Variants in GSTCD observed in about 807,000 individuals in gnomAD.
GSTCD encodes glutathione S-transferase C-terminal domain-containing protein.
GSTCD carries 44 observed loss-of-function variants against 68.3 expected under a neutral mutation model. The ratio of observed to expected loss-of-function variants is 0.64; its 90% CI spans 0.51 to 0.83. GSTCD has a LOEUF of 0.83. Among genes scored for constraint, GSTCD ranks in the 40% least tolerant of loss-of-function variants. The probability of loss-of-function intolerance (pLI) is 0.00; values close to 1 mark genes in which losing one functional copy is unlikely to be tolerated. For missense variants in GSTCD, 739 were observed against 735.9 expected, an observed-to-expected ratio of 1.00 and a Z score of -0.05; for synonymous variants, 273 against 255.2, an observed-to-expected ratio of 1.07 and a Z score of -0.67.
intron 5 of GSTCD, among the ~76,000 whole-genome samples, chr4:105,760,273 T>G (rs1045948268): frequency 3.9e-5 from 6 of 152,108 alleles, no homozygotes; most frequent in South Asian, 4.2e-4. Context: ...AATATTAAAC[T>G]GTGGGAGAAT....
intron 10 of GSTCD, among the ~76,000 whole-genome samples, chr4:105,839,699 G>A (rs752878112): frequency 1.1e-4 from 16 of 151,860 alleles, no homozygotes; most frequent in Non-Finnish European, 1.5e-4. Context: ...GAAAGGAAAA[G>A]GAAAGAAAAG....
chr4:105,808,049 C>A (rs1722594005), intron 5 of GSTCD, among the ~76,000 whole-genome samples: 1 of 152,072 alleles, frequency 6.6e-6, no homozygotes, highest in Non-Finnish European at 1.5e-5. Flanking sequence ...AACAAAACTG[C>A]TGTTGTCAAG....
At chr4:105,822,910 A>G in intron 5 of GSTCD, 44 bp from the exon 6 acceptor site, 1 of 1,461,034 alleles carries the variant, frequency 6.8e-7, no homozygotes, top group East Asian at 2.3e-5. Context: ...TTGTTCCCTC[A>G]AAATATATAA....
chr4:105,818,552 T>C (rs1232852807), intron 5 of GSTCD, among the ~76,000 whole-genome samples: 1 of 151,844 alleles, frequency 6.6e-6, no homozygotes, highest in Non-Finnish European at 1.5e-5. Flanking sequence ...CCTTGCTTTC[T>C]TGCCAAGACA....
At chr4:105,755,294 A>G (rs1262888030) in intron 5 of GSTCD, among the ~76,000 whole-genome samples, 1 of 151,024 alleles carries the variant, frequency 6.6e-6, no homozygotes, top group Non-Finnish European at 1.5e-5. Flanking sequence ...ACAGAGTGAG[A>G]CCCTGTCTAG....
chr4:105,723,717 T>TA (rs900325946), intron 3 of GSTCD, among the ~76,000 whole-genome samples: 11 of 151,582 alleles, frequency 7.3e-5, no homozygotes, highest in Non-Finnish European at 1.5e-4. Flanking sequence ...AAATAATATG[T>TA]AAAAAAATAT....
At position 105,787,395 on chromosome 4, in the gene GSTCD, G is replaced by T. The variant is rs186744643; in HGVS notation, c.1241-35559G>T. Among the ~76,000 whole-genome samples the T allele has an allele frequency of 7.9e-5, 12 of 152,086 alleles. No homozygotes were observed. In the East Asian group the frequency reaches 2.3e-3, roughly 29 times the overall value. ...CCCTGTTATGCTAAAGCTTACTGAG[G>T]ATGCCTGTTAAAATACATATTTTAA... On this transcript the variant is annotated intron_variant, in intron 5 of 11. Transcript: ENST00000515279.
chr4:105,720,605 A>G (rs1578408141), intron 3 of GSTCD, among the ~76,000 whole-genome samples: 2 of 152,354 alleles, frequency 1.3e-5, no homozygotes, highest in East Asian at 3.9e-4. Context: ...AGATCCAGGA[A>G]TTGTTTAGAT....
At chr4:105,769,233 G>GATCACACACACACACACACA (rs139425249) in intron 5 of GSTCD, among the ~76,000 whole-genome samples, 1 of 146,230 alleles carries the variant, frequency 6.8e-6, no homozygotes, top group Admixed American at 6.9e-5. Flanking sequence ...ATACACGCGC[G>GATCACACACACACACACACA]CACACACACA....
chr4:105,736,138 T>G (rs1396754820), intron 5 of GSTCD, among the ~76,000 whole-genome samples: 2 of 152,142 alleles, frequency 1.3e-5, no homozygotes, highest in African/African-American at 2.4e-5. Context: ...TATTTTATAT[T>G]TTGTGTTTCT....
In GSTCD at chr4:105,834,529, C is replaced by T. The variant is rs1724032663; in HGVS notation, c.1599C>T (p.Ser533=). Residue 533 remains serine (S), a synonymous_variant, in exon 9 of 12, where the codon TCC becomes TCT. Coordinates refer to ENST00000515279, the MANE Select transcript of GSTCD (RefSeq NM_001370181.1). The part of the protein sequence containing the change: ...VIEHCIKTRA[S]FVTCPCCYGF... ...AGCACTGTATCAAAACACGGGCTTCCTTCGTCACATGCCCTTGCTGTTATG... is the reference window on the plus strand; with the variant it reads ...AGCACTGTATCAAAACACGGGCTTCTTTCGTCACATGCCCTTGCTGTTATG... The T allele has an allele frequency of 1.9e-6, 3 of 1,613,924 alleles. No individual in the cohort carries two copies. The highest frequency in any genetic ancestry group is 2.7e-5 in the African/African-American group (2 of 74,908).
chr4:105,749,696 A>G (rs1733941485), intron 5 of GSTCD, among the ~76,000 whole-genome samples: 1 of 152,068 alleles, frequency 6.6e-6, no homozygotes, highest in Non-Finnish European at 1.5e-5. Flanking sequence ...ATAAAATTTT[A>G]AACTATAAAA....
intron 5 of GSTCD, among the ~76,000 whole-genome samples, chr4:105,775,174 A>G (rs1314455510): frequency 1.3e-5 from 2 of 151,976 alleles, no homozygotes; most frequent in Non-Finnish European, 2.9e-5. Context: ...TGCGTCACAA[A>G]GTTCTTGTGC....
Position 105,844,570 on chromosome 4 carries a change from C to A in GSTCD, c.1766-871C>A, listed in dbSNP as rs569036588. On this transcript the variant is annotated intron_variant, in intron 11 of 11. Transcript: ENST00000515279. ...AGTTGTTTTAGTTTATCAGTTTCCACTGTCATTCAATGTTTAGCCATTATT... is the reference window on the plus strand; with the variant it reads ...AGTTGTTTTAGTTTATCAGTTTCCAATGTCATTCAATGTTTAGCCATTATT... Among the ~76,000 whole-genome samples, 6 of 152,228 alleles carry A rather than the reference C, an allele frequency of 3.9e-5. No homozygotes were observed. The East Asian group carries it at 1.2e-3, about 29-fold the overall frequency.
chr4:105,739,546 G>T (rs1468674197), intron 5 of GSTCD, among the ~76,000 whole-genome samples: 3 of 152,118 alleles, frequency 2.0e-5, no homozygotes, highest in Non-Finnish European at 4.4e-5. Context: ...ACTCATAATT[G>T]GTCTATTTCT....
intron 3 of GSTCD, among the ~76,000 whole-genome samples, chr4:105,724,575 C>A (rs957326878): frequency 2.6e-4 from 40 of 151,712 alleles, no homozygotes; most frequent in African/African-American, 9.7e-4. Context: ...TAAGGAATAT[C>A]ATTTAGATTA....
At chr4:105,841,990 T>G (rs1724362478) in intron 10 of GSTCD, 75 bp from the exon 11 acceptor site, 1 of 1,097,060 alleles carries the variant, frequency 9.1e-7, no homozygotes, top group African/African-American at 1.5e-5. Flanking sequence ...ATGAGGTAGT[T>G]TTTTTGGTGG....
intron 4 of GSTCD, among the ~76,000 whole-genome samples, chr4:105,728,486 G>C (rs1393173422): frequency 6.6e-6 from 1 of 152,078 alleles, no homozygotes; most frequent in Non-Finnish European, 1.5e-5. Flanking sequence ...TAGATCAATA[G>C]CCATATCTCT....
At chr4:105,734,738 TG>T (rs1733394584) in intron 5 of GSTCD, among the ~76,000 whole-genome samples, 1 of 152,346 alleles carries the variant, frequency 6.6e-6, no homozygotes, top group East Asian at 1.9e-4. Flanking sequence ...TGCATTCCTT[TG>T]GAGGGGGAGA....
Sources: gnomAD v4.1 joint callset for allele counts (sites outside exome capture counted in the v4.1 genomes callset) on GRCh38, gnomAD v4.1.1 for gene constraint, MANE v1.5 for transcripts, NCBI Gene and HGNC (gene_info 2026-07-23, HGNC 2026-07-21) for gene names.